Variants in PRKAA1 observed in about 807,000 individuals in gnomAD.
PRKAA1 encodes protein kinase AMP-activated catalytic subunit alpha 1.
PRKAA1 carries 23 observed loss-of-function variants against 56.9 expected under a neutral mutation model. The observed-to-expected ratio is 0.40, with a 90% confidence interval of 0.29 to 0.57. PRKAA1 has a LOEUF of 0.57. Among genes scored for constraint, PRKAA1 ranks in the 20% least tolerant of loss-of-function variants. The probability of loss-of-function intolerance (pLI) is 0.39; values close to 1 mark genes in which losing one functional copy is unlikely to be tolerated. For missense variants in PRKAA1, 413 were observed against 679.7 expected (o/e 0.61, Z 4.36); for synonymous variants, 226 against 227.0 (o/e 1.00, Z 0.04).
intron 6 of PRKAA1, among the ~76,000 whole-genome samples, chr5:40,766,978 A>G (rs1412883700): frequency 1.3e-5 from 2 of 152,152 alleles, no homozygotes; most frequent in Admixed American, 1.3e-4. Flanking sequence ...TGATCACACC[A>G]CTGCACTCCA....
At chr5:40,785,529 A>AC (rs1029809441) in intron 1 of PRKAA1, among the ~76,000 whole-genome samples, 1 of 151,750 alleles carries the variant, frequency 6.6e-6, no homozygotes, top group African/African-American at 2.4e-5. Flanking sequence ...GCATTAACCA[A>AC]CCACGCCCAG....
intron 1 of PRKAA1, among the ~76,000 whole-genome samples, chr5:40,782,728 TGAG>T (rs1415909339): frequency 5.3e-5 from 8 of 151,950 alleles, no homozygotes; most frequent in African/African-American, 1.9e-4. Context: ...CAACAAAAAA[TGAG>T]GAGGAAATTA....
chr5:40,790,873 T>G (rs1561188668), intron 1 of PRKAA1, among the ~76,000 whole-genome samples: 1 of 152,228 alleles, frequency 6.6e-6, no homozygotes, highest in Non-Finnish European at 1.5e-5. Flanking sequence ...ATATGGCATC[T>G]AATAGCTTAG....
At chr5:40,770,594 TC>T (rs1345015537) in intron 4 of PRKAA1, among the ~76,000 whole-genome samples, 10 of 139,544 alleles carry the variant, frequency 7.2e-5, no homozygotes, top group Admixed American at 2.3e-4. Flanking sequence ...AAAAATAAAT[TC>T]TTTTTTTTTT....
Position 40,777,414 on chromosome 5 carries a change from C to A in PRKAA1, c.269+31G>T, listed in dbSNP as rs968873862. ...GTTAACAAAAAAGATGAAAAGATGA[C>A]TGGACTATATTTAATATAAACAGAG... is the stretch of plus-strand genomic sequence containing the variant. On this transcript the variant is annotated intron_variant, in intron 2 of 8. Coordinates refer to ENST00000397128, the MANE Select transcript of PRKAA1 (RefSeq NM_006251.6). The A allele has an allele frequency of 1.9e-6, 3 of 1,547,430 alleles. No individual in the cohort carries two copies. The East Asian group carries it at 6.9e-5, about 36-fold the overall frequency.
At position 40,761,425 on chromosome 5, in the gene PRKAA1, T is replaced by C. The variant is rs1743181764; in HGVS notation, c.*1353A>G. Reference sequence around the variant, plus strand: ...TGGTTCAGGGGGAAAAAAGCATATATACATACACAAACAAACACATATATG... The same window carrying C: ...TGGTTCAGGGGGAAAAAAGCATATACACATACACAAACAAACACATATATG... On this transcript the variant is annotated 3_prime_UTR_variant, in exon 9 of 9. Transcript: ENST00000397128. 6.6e-6 allele frequency: 1 copy of C among 152,168 alleles called. No homozygotes were observed. Among genetic ancestry groups the C allele is most frequent in the African/African-American group, 2.4e-5 (1 of 41,440 alleles). The allele number at this position is 152,168 out of a possible 1,614,324, so 9.4% of individuals were successfully genotyped here. A position where few individuals can be genotyped will look rare whatever the true frequency, so the allele number is the denominator to read the frequency against.
chr5:40,765,720 A>G (rs1441057367), intron 6 of PRKAA1, among the ~76,000 whole-genome samples: 1 of 147,278 alleles, frequency 6.8e-6, no homozygotes, highest in East Asian at 2.0e-4. Flanking sequence ...TGAAGATAAT[A>G]TCTCTTTGTT....
chr5:40,783,338 T>C (rs992105887), intron 1 of PRKAA1, among the ~76,000 whole-genome samples: 4 of 144,442 alleles, frequency 2.8e-5, no homozygotes, highest in Non-Finnish European at 4.5e-5. Context: ...AAATTATATA[T>C]GCATTTTACA....
chr5:40,775,162 A>G lies in PRKAA1; in HGVS notation c.363+248T>C, dbSNP rs536003434. Among the ~76,000 whole-genome samples, 5 of 152,358 alleles carry G rather than the reference A, an allele frequency of 3.3e-5. No individual in the cohort carries two copies. In the South Asian group the frequency reaches 1.0e-3, roughly 32 times the overall value. ...GGGGCTCAAGCCAATTCCGTCATTA[A>G]TAAATCACGTTACTGTGAGCAATCA... On this transcript the variant is annotated intron_variant, in intron 3 of 8. Transcript: ENST00000397128.
rs898276847 is a variant in PRKAA1 at position 40,761,443 on chromosome 5, CAT to C, written c.*1333_*1334del. 2.0e-5 allele frequency: 3 copies of C among 152,078 alleles called. No individual in the cohort carries two copies. Among genetic ancestry groups the C allele is most frequent in the Admixed American group, 6.6e-5 (1 of 15,260 alleles). 9.4% of individuals were successfully genotyped at this position (152,078 alleles called of 1,614,324 possible). On this transcript the variant is annotated 3_prime_UTR_variant, in exon 9 of 9. Coordinates refer to ENST00000397128, the MANE Select transcript of PRKAA1 (RefSeq NM_006251.6). ...GCATATATACATACACAAACAAACACATATATGCATATATATGCATAACTAGC... is the reference window on the plus strand; with the variant it reads ...GCATATATACATACACAAACAAACACATATGCATATATATGCATAACTAGC...
intron 3 of PRKAA1, among the ~76,000 whole-genome samples, chr5:40,774,571 T>TTTTATTTTTAGTTTTTTTAAAG: frequency 6.9e-6 from 1 of 144,912 alleles, no homozygotes; most frequent in Non-Finnish European, 1.5e-5. Context: ...TTTTTTTTTT[T>TTTTATTTTTAGTTTTTTTAAAG]GGTAAGGAGA....
Position 40,761,325 on chromosome 5 carries a change from T to A in PRKAA1, c.*1453A>T, listed in dbSNP as rs924603172. 6.6e-6 allele frequency: 1 copy of A among 152,144 alleles called. No individual in the cohort carries two copies. Among genetic ancestry groups the A allele is most frequent in the African/African-American group, 2.4e-5 (1 of 41,436 alleles). The allele number at this position is 152,144 out of a possible 1,614,324, so 9.4% of individuals were successfully genotyped here. On this transcript the variant is annotated 3_prime_UTR_variant, in exon 9 of 9. Transcript: ENST00000397128. ...TACTTTTACAATGGTATTACGGATTTTTAGGAGAATGTCATTATCTGTAGG... is the reference window on the plus strand; with the variant it reads ...TACTTTTACAATGGTATTACGGATTATTAGGAGAATGTCATTATCTGTAGG...
Position 40,760,520 on chromosome 5 carries a change from A to G in PRKAA1, c.*2258T>C, listed in dbSNP as rs1435668345. 1 of 152,748 alleles carries G rather than the reference A, an allele frequency of 6.5e-6. No homozygotes were observed. The highest frequency in any genetic ancestry group is 6.5e-5 in the Admixed American group (1 of 15,272). 9.5% of individuals were successfully genotyped at this position (152,748 alleles called of 1,614,324 possible). ...ACAGTCTTCTGTTAACATCAGGAAC[A>G]TTATGCTGCACTTAGAGACCCTAAG... On this transcript the variant is annotated 3_prime_UTR_variant, in exon 9 of 9. Transcript: ENST00000397128.
chr5:40,767,611 C>T lies in PRKAA1; in HGVS notation c.676G>A (p.Asp226Asn). ...YALLCGTLPF[D>N]DDHVPTLFKK... ...AAAAGAGTTGGCACATGGTCATCAT[C>T]AAATGGAAGGGTTCCACATAATAAA... is the stretch of plus-strand genomic sequence containing the variant. Residue 226 changes from aspartate to asparagine, a missense_variant, in exon 6 of 9, where the codon GAT (aspartate) becomes AAT (asparagine). This residue lies in a region of PRKAA1 where 113 missense variants were observed against 198.6 expected (regional missense o/e 0.57). Coordinates refer to ENST00000397128, the MANE Select transcript of PRKAA1 (RefSeq NM_006251.6). 6.2e-7 allele frequency: 1 copy of T among 1,613,732 alleles called. No individual in the cohort carries two copies. The highest frequency in any genetic ancestry group is 8.5e-7 in the Non-Finnish European group (1 of 1,179,676).
intron 3 of PRKAA1, among the ~76,000 whole-genome samples, chr5:40,772,703 G>A (rs930436589): frequency 2.0e-5 from 3 of 151,836 alleles, no homozygotes; most frequent in Non-Finnish European, 4.4e-5. Context: ...ATGCCATCAC[G>A]GCTCACTGCA....
chr5:40,779,085 C>T (rs575695903), intron 1 of PRKAA1, among the ~76,000 whole-genome samples: 10 of 151,778 alleles, frequency 6.6e-5, no homozygotes, highest in Non-Finnish European at 1.5e-4. Flanking sequence ...AGGTGTGAGC[C>T]ACCATGCCCA....
Position 40,768,807 on chromosome 5 carries a change from T to A in PRKAA1, c.596+609A>T, listed in dbSNP as rs1743590797. 7.5e-6 allele frequency: 11 copies of A among 1,471,414 alleles called. No individual in the cohort carries two copies. In the South Asian group the frequency reaches 1.5e-4, roughly 20 times the overall value. The allele number at this position is 1,471,414 out of a possible 1,614,324, so 91.1% of individuals were successfully genotyped here. On this transcript the variant is annotated intron_variant, in intron 5 of 8. Transcript: ENST00000397128. ...CAGTAGTATAGTGAAGGACAAAGAG[T>A]TATTCTTAAAAATATTAAATTCTCC...
At chr5:40,791,250 C>T (rs1204606056) in intron 1 of PRKAA1, among the ~76,000 whole-genome samples, 4 of 152,190 alleles carry the variant, frequency 2.6e-5, no homozygotes, top group Admixed American at 6.5e-5. Flanking sequence ...GGATTCCCCC[C>T]TTTTTCAAAA....
chr5:40,775,339 G>A (rs1214728310), intron 3 of PRKAA1, 71 bp downstream of exon 3: 8 of 1,242,520 alleles, frequency 6.4e-6, no homozygotes, highest in Non-Finnish European at 9.4e-6. Flanking sequence ...ATTGGTTGCT[G>A]ACATTTTGAT....
Sources: allele counts gnomAD v4.1 joint callset (sites outside exome capture counted in the v4.1 genomes callset), GRCh38; gene constraint gnomAD v4.1.1; regional missense constraint gnomAD v4.1.1; transcripts MANE v1.5; gene names NCBI Gene and HGNC (gene_info 2026-07-23, HGNC 2026-07-21).